Variants in ZNF582 observed in about 807,000 individuals in gnomAD.
ZNF582 encodes the protein zinc finger protein 582.
A neutral mutation model predicts 12.3 loss-of-function variants in ZNF582; 14 were observed. The observed-to-expected ratio is 1.14, with a 90% CI of 0.75 to 1.78. The LOEUF is 1.78. Among genes scored for constraint, ZNF582 ranks in the 40% most tolerant of loss-of-function variants. The pLI is 0.00. For missense variants in ZNF582, 567 were observed against 616.5 expected, an observed-to-expected ratio of 0.92 and a Z score of 0.85; for synonymous variants, 210 against 207.2, an observed-to-expected ratio of 1.01 and a Z score of -0.11.
chr19:56,388,613 G>A lies in ZNF582; in HGVS notation c.232+1388C>T, dbSNP rs537663631. Among the ~76,000 whole-genome samples the A allele has an allele frequency of 2.6e-5, 4 of 152,100 alleles. No homozygotes were observed. In the East Asian group the frequency reaches 5.8e-4, roughly 22 times the overall value. Reference sequence around the variant, plus strand: ...CAGTGCAGAACCCAAACTTCATAACGTGGTTGCCTTTCCTAGCGTATCTTT... The same window carrying A: ...CAGTGCAGAACCCAAACTTCATAACATGGTTGCCTTTCCTAGCGTATCTTT... On this transcript the variant is annotated intron_variant, in intron 4 of 4. Coordinates refer to ENST00000586929, the Ensembl canonical transcript of ZNF582.
At chr19:56,385,141 C>T (rs1407329830) in exon 5 of ZNF582, 1 of 1,610,398 alleles carries the variant, frequency 6.2e-7, no homozygotes, top group Non-Finnish European at 8.5e-7. Flanking sequence ...CATAAACATG[C>T]TGCTTTGGAA....
intron 1 of ZNF582, among the ~76,000 whole-genome samples, chr19:56,392,530 G>T (rs1484912732): frequency 6.6e-6 from 1 of 152,214 alleles, no homozygotes; most frequent in Non-Finnish European, 1.5e-5. Flanking sequence ...AAATTAGTAC[G>T]TAAGTAGGCA....
intron 4 of ZNF582, among the ~76,000 whole-genome samples, chr19:56,388,609 T>C (rs1285902545): frequency 6.6e-6 from 1 of 152,168 alleles, no homozygotes. Context: ...CCAAACTTCA[T>C]AACGTGGTTG....
rs199615104 is a variant in ZNF582 at position 56,389,985 on chromosome 19, A to T, written c.232+16T>A. On this transcript the variant is annotated intron_variant, in intron 4 of 4. Transcript: ENST00000586929. ...ACCTGCAGTGGCTGCTCCCTTCCCA[A>T]TGATACCTCACTCACCTGGACACAG... The T allele has an allele frequency of 9.3e-6, 15 of 1,610,944 alleles. No homozygotes were observed. In the African/African-American group the frequency reaches 1.9e-4, roughly 20 times the overall value.
chr19:56,390,772 G>A (rs2042008436), intron 2 of ZNF582, among the ~76,000 whole-genome samples: 1 of 152,134 alleles, frequency 6.6e-6, no homozygotes, highest in African/African-American at 2.4e-5. Context: ...TTATTGTTAA[G>A]AAACAGTGTA....
intron 4 of ZNF582, chr19:56,388,420 A>C (rs892896388): frequency 6.6e-6 from 1 of 152,208 alleles, no homozygotes; most frequent in African/African-American, 2.4e-5. Context: ...TTTTTTTAAA[A>C]ATCACTATTT....
At chr19:56,387,868 T>A (rs1473719034) in intron 4 of ZNF582, among the ~76,000 whole-genome samples, 1 of 152,282 alleles carries the variant, frequency 6.6e-6, no homozygotes, top group African/African-American at 2.4e-5. Context: ...GATTGACTTT[T>A]ATGCTTCTCC....
At chr19:56,388,883 C>T (rs933257825) in intron 4 of ZNF582, among the ~76,000 whole-genome samples, 2 of 152,186 alleles carry the variant, frequency 1.3e-5, no homozygotes, top group African/African-American at 2.4e-5. Flanking sequence ...TCCCAAAGTG[C>T]TGGGATTATA....
exon 5 of ZNF582, chr19:56,385,012 T>C: frequency 3.1e-6 from 5 of 1,614,166 alleles, no homozygotes; most frequent in Non-Finnish European, 4.2e-6. Flanking sequence ...AATGTCTGTC[T>C]GGATTTCCCT....
Position 56,390,140 on chromosome 19 carries a change from C to T in ZNF582, c.137-44G>A, listed in dbSNP as rs749098766. ...ATGCCACCTGGTTATGGTGTGGGGG[C>T]CCCAGAATTCAGATCCAGGACCTGG... On this transcript the variant is annotated intron_variant, in intron 3 of 4. Coordinates refer to ENST00000586929, the Ensembl canonical transcript of ZNF582. The T allele has an allele frequency of 3.8e-6, 6 of 1,577,226 alleles. No homozygotes were observed. In the East Asian group the frequency reaches 6.7e-5, roughly 18 times the overall value.
intron 3 of ZNF582, 130 bp downstream of exon 3, chr19:56,390,245 A>G: frequency 1.1e-5 from 16 of 1,447,586 alleles, no homozygotes; most frequent in Non-Finnish European, 1.5e-5. Flanking sequence ...ATGCAGCTTC[A>G]GCCGACAGCG....
At chr19:56,384,501 T>A in exon 5 of ZNF582, 1 of 1,610,858 alleles carries the variant, frequency 6.2e-7, no homozygotes, top group Non-Finnish European at 8.5e-7. Flanking sequence ...TTTTCACCAG[T>A]ATGAATTCTA....
chr19:56,385,014 G>A (rs1219658756), exon 5 of ZNF582: 1 of 1,614,100 alleles, frequency 6.2e-7, no homozygotes. Flanking sequence ...TGTCTGTCTG[G>A]ATTTCCCTGT....
chr19:56,387,776 A>G (rs2041980153), intron 4 of ZNF582: 1 of 152,224 alleles, frequency 6.6e-6, no homozygotes, highest in Admixed American at 6.5e-5. Context: ...GAGGGATTTT[A>G]ATATGTAAAA....
intron 4 of ZNF582, among the ~76,000 whole-genome samples, chr19:56,385,772 A>G (rs912301401): frequency 1.3e-5 from 2 of 152,140 alleles, no homozygotes; most frequent in Admixed American, 1.3e-4. Context: ...AGACAAATAT[A>G]GAGTGACAGA....
Position 56,393,209 on chromosome 19 carries a change from T to TG in ZNF582, c.-81+10dup. On this transcript the variant is annotated intron_variant, in intron 1 of 4. Coordinates refer to ENST00000586929, the Ensembl canonical transcript of ZNF582. ...GCAATTTCAGGGGGTCGGAGACCCC[T>TG]GCGCACCCACCTAAGGGGTCCATGC... 7.9e-7 allele frequency: 1 copy of TG among 1,263,040 alleles called. No homozygotes were observed. The highest frequency in any genetic ancestry group is 1.0e-6 in the Non-Finnish European group (1 of 982,118). The allele number at this position is 1,263,040 out of a possible 1,614,324, so 78.2% of individuals were successfully genotyped here.
chr19:56,388,718 C>T (rs9636160), intron 4 of ZNF582, among the ~76,000 whole-genome samples: 30,008 of 151,984 alleles, frequency 0.2, 3,171 homozygotes, highest in East Asian at 0.43. Context: ...CTGCAATCTC[C>T]GCCTCCCGTG....
intron 3 of ZNF582, 82 bp downstream of exon 3, chr19:56,390,292 TA>T (rs2042004334): frequency 2.5e-6 from 4 of 1,595,794 alleles, no homozygotes; most frequent in Non-Finnish European, 3.4e-6. Flanking sequence ...CAACCAATCA[TA>T]AGACTGAAAA....
intron 2 of ZNF582, 128 bp from the exon 3 acceptor site, chr19:56,390,629 A>T: frequency 1.1e-6 from 1 of 914,706 alleles, no homozygotes; most frequent in South Asian, 1.6e-5. Flanking sequence ...CTGAATGTGA[A>T]AGGTGACAGA....
Sources: gnomAD v4.1 joint callset for allele counts (sites outside exome capture counted in the v4.1 genomes callset) on GRCh38, gnomAD v4.1.1 for gene constraint, MANE v1.5 for transcripts, NCBI Gene and HGNC (gene_info 2026-07-23, HGNC 2026-07-21) for gene names.